Variants in LRRC4B observed in about 807,000 individuals in gnomAD.
LRRC4B encodes the protein leucine rich repeat containing 4B.
Under a neutral mutation model 7.3 loss-of-function variants are expected in LRRC4B, and 1 was observed. The ratio of observed to expected loss-of-function variants is 0.14; its 90% CI spans 0.05 to 0.65. The LOEUF is 0.65. LRRC4B is among the 30% of genes least tolerant of loss of function. The pLI, the probability that LRRC4B is intolerant of heterozygous loss-of-function variation, is 0.84. For missense variants in LRRC4B, 730 were observed against 1,041.6 expected (o/e 0.70, Z 4.12); for synonymous variants, 500 against 499.2 (o/e 1.00, Z -0.02).
At chr19:50,554,360 A>ATG (rs1410261859) in intron 1 of LRRC4B, among the ~76,000 whole-genome samples, 1 of 151,628 alleles carries the variant, frequency 6.6e-6, no homozygotes, top group Non-Finnish European at 1.5e-5. Context: ...GCCCTGGGTC[A>ATG]CCCTCCGTGC....
At chr19:50,562,412 G>C (rs1198007382) in intron 1 of LRRC4B, among the ~76,000 whole-genome samples, 3 of 152,216 alleles carry the variant, frequency 2.0e-5, no homozygotes, top group Non-Finnish European at 2.9e-5. Context: ...CCACATAAGA[G>C]ACTGAGCACT....
At chr19:50,565,724 C>T (rs368614968) in intron 1 of LRRC4B, among the ~76,000 whole-genome samples, 1 of 151,920 alleles carries the variant, frequency 6.6e-6, no homozygotes, top group East Asian at 1.9e-4. Context: ...CCTGCTGGCC[C>T]CAGCAGGCAC....
At position 50,568,202 on chromosome 19, in the gene LRRC4B, G is replaced by A. The variant is rs964768247; in HGVS notation, c.-294C>T. Among the ~76,000 whole-genome samples the A allele has an allele frequency of 3.3e-5, 5 of 151,616 alleles. No homozygotes were observed. The highest frequency in any genetic ancestry group is 1.2e-4 in the African/African-American group (5 of 41,442). ...TCGCGCCCGCCTGCCGTCCGGCCCC[G>A]CGCCCTCGCCCGCCGCCCGCCTTCC... On this transcript the variant is annotated 5_prime_UTR_variant, in exon 1 of 3. Coordinates refer to ENST00000652263, the MANE Select transcript of LRRC4B (RefSeq NM_001080457.2).
At chr19:50,544,486 G>A (rs894254619) in intron 2 of LRRC4B, among the ~76,000 whole-genome samples, 9 of 149,298 alleles carry the variant, frequency 6.0e-5, no homozygotes, top group African/African-American at 2.2e-4. Flanking sequence ...CAGCCTGGGC[G>A]ACAGAGCGAG....
intron 2 of LRRC4B, among the ~76,000 whole-genome samples, chr19:50,525,845 T>G (rs1980788376): frequency 6.6e-6 from 1 of 152,036 alleles, no homozygotes; most frequent in African/African-American, 2.4e-5. Flanking sequence ...ACCTCAGCCC[T>G]CTGCCTCTCC....
chr19:50,546,292 G>T (rs1194386268), intron 2 of LRRC4B, among the ~76,000 whole-genome samples: 2 of 151,934 alleles, frequency 1.3e-5, no homozygotes, highest in East Asian at 3.9e-4. Context: ...CCAACGTTGC[G>T]CCACTGCACT....
In LRRC4B at chr19:50,519,495, T is replaced by TGG. The variant is rs1272840655; in HGVS notation, c.298-82_298-81dup. 1.4e-6 allele frequency: 2 copies of TGG among 1,454,358 alleles called. No homozygotes were observed. The highest frequency in any genetic ancestry group is 1.8e-6 in the Non-Finnish European group (2 of 1,106,976). 90.1% of individuals were successfully genotyped at this position (1,454,358 alleles called of 1,614,324 possible). A position where few individuals can be genotyped will look rare whatever the true frequency, so the allele number is the denominator to read the frequency against. ...GGATCACCAAGGTCCCGGGCGCAGG[T>TGG]GGGGCCGTGTGGCTGGATCTCCCGT... On this transcript the variant is annotated intron_variant, in intron 2 of 2. Transcript: ENST00000652263. This position sits in a 1 kb window ranked among gnomAD's most constrained non-coding sequence, Gnocchi z 8.1.
chr19:50,562,169 T>A (rs1380527308), intron 1 of LRRC4B, among the ~76,000 whole-genome samples: 1 of 151,204 alleles, frequency 6.6e-6, no homozygotes, highest in Non-Finnish European at 1.5e-5. Context: ...AATGGACCAG[T>A]GCATTCTCCT....
chr19:50,521,842 G>A (rs776234451), intron 2 of LRRC4B, among the ~76,000 whole-genome samples: 15 of 152,092 alleles, frequency 9.9e-5, no homozygotes, highest in African/African-American at 3.4e-4. Context: ...AATTACAGGC[G>A]TGAACCACCG....
intron 2 of LRRC4B, among the ~76,000 whole-genome samples, chr19:50,540,759 C>T (rs1297695665): frequency 6.6e-6 from 1 of 151,652 alleles, no homozygotes; most frequent in Non-Finnish European, 1.5e-5. Flanking sequence ...TGATCCATCA[C>T]TGTCTCCCAT....
chr19:50,518,042 G>A lies in LRRC4B; in HGVS notation c.1671C>T (p.Ile557=). 1 of 1,572,194 alleles carries A rather than the reference G, an allele frequency of 6.4e-7. No individual in the cohort carries two copies. Among genetic ancestry groups the A allele is most frequent in the Non-Finnish European group, 8.6e-7 (1 of 1,162,980 alleles). ...TGAGGGCGTTCTCCGTCACATCCGTGATGGGCACCGTGAACGCCTTCTCCG... is the reference window on the plus strand; with the variant it reads ...TGAGGGCGTTCTCCGTCACATCCGTAATGGGCACCGTGAACGCCTTCTCCG... ...RPTEKAFTVP[I]TDVTENALKD... The change falls in exon 3 of 3, where the codon ATC becomes ATT. Residue 557 remains isoleucine, a synonymous_variant. Coordinates refer to ENST00000652263, the MANE Select transcript of LRRC4B (RefSeq NM_001080457.2).
At chr19:50,521,161 G>T (rs551255675) in intron 2 of LRRC4B, among the ~76,000 whole-genome samples, 152 of 152,298 alleles carry the variant, frequency 1.0e-3, no homozygotes, top group African/African-American at 3.4e-3. Context: ...TCTCTAGGGG[G>T]TTACACTGAG....
chr19:50,527,987 T>C (rs1216722254), intron 2 of LRRC4B, among the ~76,000 whole-genome samples: 4 of 151,690 alleles, frequency 2.6e-5, no homozygotes, highest in African/African-American at 9.7e-5. Context: ...GTGATCTGCC[T>C]GCCTCGGCCT....
In LRRC4B at chr19:50,537,934, A is replaced by C. The variant is rs1217712904; in HGVS notation, c.297+10608T>G. On this transcript the variant is annotated intron_variant, in intron 2 of 2. Transcript: ENST00000652263. The surrounding 1 kb of genome is among the most constrained non-coding windows in gnomAD (Gnocchi z 5.5). ...GGCAGAGGGCGCACTGCTCCCTCCT[A>C]TCCAGAGGACCTCCTGGCTGCTGGT... 6.6e-6 allele frequency among the ~76,000 whole-genome samples: 1 copy of C among 152,160 alleles called. No individual in the cohort carries two copies. Among genetic ancestry groups the C allele is most frequent in the Non-Finnish European group, 1.5e-5 (1 of 68,022 alleles).
chr19:50,560,178 C>T (rs896684124), intron 1 of LRRC4B, among the ~76,000 whole-genome samples: 1 of 152,082 alleles, frequency 6.6e-6, no homozygotes, highest in South Asian at 2.1e-4. Context: ...TTCTGCATCG[C>T]CATATCTAGG....
In LRRC4B at chr19:50,517,795, T is replaced by G. The variant is rs768263598; in HGVS notation, c.1918A>C (p.Ser640Arg). Residue 640 changes from serine to arginine, a missense_variant, in exon 3 of 3, where the codon AGT (serine) becomes CGT (arginine). Physicochemically the swap from Ser to Arg is moderately radical, Grantham distance 110. Coordinates refer to ENST00000652263, the MANE Select transcript of LRRC4B (RefSeq NM_001080457.2). The surrounding 1 kb of genome is among the most constrained non-coding windows in gnomAD (Gnocchi z 6.6). ...VSVAAAAAVA[S>R]GGGVGGDSHL... ...CTGTCCCCGCCCACACCACCCCCAC[T>G]GGCCACGGCGGCCGCGGCGGCCACG... is the stretch of plus-strand genomic sequence containing the variant. The G allele has an allele frequency of 2.6e-6, 4 of 1,533,092 alleles. No homozygotes were observed. The Admixed American group carries it at 8.7e-5, about 33-fold the overall frequency. The allele number at this position is 1,533,092 out of a possible 1,614,324, so 95.0% of individuals were successfully genotyped here.
At chr19:50,566,982 G>C (rs1011737972) in intron 1 of LRRC4B, among the ~76,000 whole-genome samples, 1 of 151,620 alleles carries the variant, frequency 6.6e-6, no homozygotes, top group African/African-American at 2.4e-5. Context: ...GCTGAAGTGA[G>C]GGTCTCCTGG....
At chr19:50,559,286 T>A (rs559946816) in intron 1 of LRRC4B, among the ~76,000 whole-genome samples, 1 of 151,954 alleles carries the variant, frequency 6.6e-6, no homozygotes, top group Non-Finnish European at 1.5e-5. Flanking sequence ...AATACAAAAT[T>A]AGCCGTGCCT....
At chr19:50,543,626 C>T (rs919245664) in intron 2 of LRRC4B, among the ~76,000 whole-genome samples, 6 of 151,622 alleles carry the variant, frequency 4.0e-5, no homozygotes, top group Admixed American at 6.6e-5. Context: ...CCGAGGTGGG[C>T]GGATCCCTTG....
Sources: gnomAD v4.1 joint callset for allele counts (sites outside exome capture counted in the v4.1 genomes callset) on GRCh38, gnomAD v4.1.1 for gene constraint, Gnocchi (gnomAD v3.1) non-coding constraint, MANE v1.5 for transcripts, NCBI Gene and HGNC (gene_info 2026-07-23, HGNC 2026-07-21) for gene names.